Variants in KIRREL2 observed in about 807,000 individuals in gnomAD.
The protein encoded by KIRREL2 is kirre like nephrin family adhesion molecule 2.
In KIRREL2, 56 loss-of-function variants were observed where a neutral mutation model predicts 73.4. The ratio of observed to expected loss-of-function variants is 0.76; its 90% confidence interval spans 0.62 to 0.95. The LOEUF (loss-of-function observed/expected upper bound fraction) is 0.95, where lower values mean the gene tolerates loss of function less well. KIRREL2 is among the 40% of genes least tolerant of loss of function. The pLI is 0.00. For synonymous variants in KIRREL2, 407 were observed against 404.0 expected, an observed-to-expected ratio of 1.01 and a Z score of -0.09; for missense variants, 896 against 935.0, an observed-to-expected ratio of 0.96 and a Z score of 0.54.
At chr19:35,862,852 C>A in intron 12 of KIRREL2, 75 bp from the exon 13 acceptor site, 1 of 903,654 alleles carries the variant, frequency 1.1e-6, no homozygotes, top group South Asian at 1.5e-5. Context: ...TCCCAGTCCT[C>A]TCTCTTCCCG....
chr19:35,860,149 G>A, intron 5 of KIRREL2, 148 bp from the exon 6 acceptor site: 1 of 637,436 alleles, frequency 1.6e-6, no homozygotes, highest in Non-Finnish European at 2.7e-6. Context: ...GGGAAATTGG[G>A]AACTGAAAGC....
intron 14 of KIRREL2, among the ~76,000 whole-genome samples, chr19:35,865,122 T>TTC (rs142392770): frequency 6.3e-4 from 94 of 148,928 alleles, no homozygotes; most frequent in African/African-American, 1.2e-3. Flanking sequence ...GCCAGAGCAC[T>TTC]TCTCTCTCTC....
In KIRREL2 at chr19:35,866,463, A is replaced by G. The variant is rs1164628419; in HGVS notation, c.2098A>G (p.Ser700Gly). Residue 700 changes from serine to glycine, a missense_variant, in exon 15 of 15, where the codon AGC becomes GGC. By Grantham distance (56) the Ser-to-Gly change is moderately conservative. Coordinates refer to ENST00000360202, the MANE Select transcript of KIRREL2 (RefSeq NM_199180.4). ...CCCATATGCTGCCTTCCCCACACCT[A>G]GCCACCCGCGTCTCCAGACTCACGT... ...PFPYAAFPTP[S>G]HPRLQTHV The G allele has an allele frequency of 2.5e-6, 4 of 1,607,864 alleles. No homozygotes were observed. The African/African-American group carries it at 5.4e-5, about 22-fold the overall frequency.
chr19:35,864,750 G>A, intron 14 of KIRREL2, 37 bp downstream of exon 14: 1 of 1,462,934 alleles, frequency 6.8e-7, no homozygotes, highest in Non-Finnish European at 9.6e-7. Flanking sequence ...CTTCACTGTT[G>A]GGAGAGGCGG....
Position 35,857,722 on chromosome 19 carries a change from G to A in KIRREL2, c.211+228G>A, listed in dbSNP as rs11882484. On this transcript the variant is annotated intron_variant, in intron 2 of 14. Transcript: ENST00000360202. ...ACATAGGCCAGGTGCAGTGGCTCAC[G>A]CCTGTAATCCCAACGCTTTGGGAGG... Among the ~76,000 whole-genome samples, 1,400 of 152,208 alleles carry A rather than the reference G, an allele frequency of 9.2e-3. 21 individuals are homozygous for A. The highest frequency in any genetic ancestry group is 0.032 in the African/African-American group (1,310 of 41,504).
chr19:35,865,591 T>G (rs146941955), intron 14 of KIRREL2, among the ~76,000 whole-genome samples: 131 of 152,368 alleles, frequency 8.6e-4, no homozygotes, highest in South Asian at 1.7e-3. Context: ...TCGATCATTT[T>G]GCCTGTGTTC....
chr19:35,862,911 G>T lies in KIRREL2; in HGVS notation c.1616-16G>T. 2 of 1,503,634 alleles carry T rather than the reference G, an allele frequency of 1.3e-6. No individual in the cohort carries two copies. Among genetic ancestry groups the T allele is most frequent in the South Asian group, 1.2e-5 (1 of 83,106 alleles). 93.1% of individuals were successfully genotyped at this position (1,503,634 alleles called of 1,614,324 possible). Reference sequence around the variant, plus strand: ...ACCCCGCCCATCGCTTAACTCCACCGGTCGCTGTTTGTCAGCCTCAGCCTC... The same window carrying T: ...ACCCCGCCCATCGCTTAACTCCACCTGTCGCTGTTTGTCAGCCTCAGCCTC... On this transcript the variant is annotated splice_polypyrimidine_tract_variant and intron_variant, in intron 12 of 14. Transcript: ENST00000360202.
upstream of KIRREL2, chr19:35,856,088 A>C (rs921047815): frequency 6.6e-6 from 1 of 152,358 alleles, no homozygotes; most frequent in Non-Finnish European, 1.5e-5. This position sits in a 1 kb window ranked among gnomAD's most constrained non-coding sequence, Gnocchi z 5.9. Context: ...ATGTCAGATC[A>C]GGGTCCCAGC....
chr19:35,851,491 G>A (rs2146832398), upstream of KIRREL2: 1 of 1,613,636 alleles, frequency 6.2e-7, no homozygotes, highest in Non-Finnish European at 8.5e-7. Context: ...GGTACCTCGG[G>A]AAGCCTGGGA....
At chr19:35,861,684 C>T (rs780972861) in intron 10 of KIRREL2, 43 bp downstream of exon 10, 2 of 1,597,610 alleles carry the variant, frequency 1.3e-6, no homozygotes, top group Non-Finnish European at 1.7e-6. Flanking sequence ...CAGCCGTGAT[C>T]CCTGACCTCC....
chr19:35,858,360 C>T (rs1275775839), intron 2 of KIRREL2, 48 bp from the exon 3 acceptor site: 3 of 1,592,644 alleles, frequency 1.9e-6, no homozygotes, highest in Middle Eastern at 1.8e-4. Flanking sequence ...GGCCTGAGGC[C>T]AGGATTTCAG....
At chr19:35,862,455 C>T in intron 11 of KIRREL2, 38 bp from the exon 12 acceptor site, 1 of 1,486,980 alleles carries the variant, frequency 6.7e-7, no homozygotes, top group Non-Finnish European at 9.3e-7. Context: ...CCTGGTTCCC[C>T]CTCAGCCTTC....
intron 3 of KIRREL2, 59 bp from the exon 4 acceptor site, chr19:35,858,645 A>T (rs2146853686): frequency 6.2e-7 from 1 of 1,608,792 alleles, no homozygotes; most frequent in East Asian, 2.2e-5. Context: ...GCCCAGGGGC[A>T]TGGTCAATTG....
Position 35,860,538 on chromosome 19 carries a change from C to G in KIRREL2, c.799C>G (p.Pro267Ala). Reference protein sequence around the residue: ...TGYRWAKGGSPVLGARGPRLE... With the variant: ...TGYRWAKGGSAVLGARGPRLE... Reference sequence around the variant, plus strand: ...CCTCAGGTGGGCAAAAGGGGGCTCTCCGGTGCTCGGGGCCCGCGGGCCAAG... The same window carrying G: ...CCTCAGGTGGGCAAAAGGGGGCTCTGCGGTGCTCGGGGCCCGCGGGCCAAG... The change falls in exon 7 of 15, where the codon CCG becomes GCG. Residue 267 changes from proline (P) to alanine (A), a missense_variant. Coordinates refer to ENST00000360202, the MANE Select transcript of KIRREL2 (RefSeq NM_199180.4). 1.2e-6 allele frequency: 2 copies of G among 1,603,140 alleles called. No homozygotes were observed. Among genetic ancestry groups the G allele is most frequent in the South Asian group, 1.1e-5 (1 of 91,076 alleles).
upstream of KIRREL2, among the ~76,000 whole-genome samples, chr19:35,855,706 C>CATACACAT (rs1973399354): frequency 1.1e-5 from 1 of 90,486 alleles, no homozygotes; most frequent in African/African-American, 3.0e-5. Context: ...CACACACACA[C>CATACACAT]ATACACACAG....
chr19:35,860,303 C>G lies in KIRREL2; in HGVS notation c.680C>G (p.Pro227Arg). ...TAITLSLQYP[P>R]EVTLSASPHT... The stretch of plus-strand genomic sequence containing the variant: ...CATTGTCCCACCCTCACAGACCCCC[C>G]AGAGGTGACTCTGTCTGCTTCGCCA... The change falls in exon 6 of 15, where the codon CCA (proline) becomes CGA (arginine). Residue 227 changes from proline (P) to arginine (R), a missense_variant. Transcript: ENST00000360202. 1 of 1,613,994 alleles carries G rather than the reference C, an allele frequency of 6.2e-7. No homozygotes were observed.
chr19:35,866,471 G>T lies in KIRREL2; in HGVS notation c.2106G>T (p.Pro702=), dbSNP rs143366792. The stretch of plus-strand genomic sequence containing the variant: ...CTGCCTTCCCCACACCTAGCCACCC[G>T]CGTCTCCAGACTCACGTGTGACATC... ...PYAAFPTPSH[P]RLQTHV is the part of the protein sequence containing the mutation. Residue 702 remains proline (P), a synonymous_variant, in exon 15 of 15, where the codon CCG becomes CCT. Transcript: ENST00000360202. The T allele has an allele frequency of 1.2e-4, 187 of 1,609,268 alleles. No homozygotes were observed. In the African/African-American group the frequency reaches 1.2e-3, roughly 11 times the overall value.
In KIRREL2 at chr19:35,857,003, G is replaced by A; in HGVS notation, c.-117G>A. ...GGACTCCAGGCCAGAGACTAGGCTG[G>A]GCGAAGAGTCGAGCGTGAAGGGGGC... On this transcript the variant is annotated 5_prime_UTR_variant, in exon 1 of 15. Coordinates refer to ENST00000360202, the MANE Select transcript of KIRREL2 (RefSeq NM_199180.4). 9.6e-7 allele frequency: 1 copy of A among 1,044,900 alleles called. No homozygotes were observed. 64.7% of individuals were successfully genotyped at this position (1,044,900 alleles called of 1,614,324 possible). A position where few individuals can be genotyped will look rare whatever the true frequency, so the allele number is the denominator to read the frequency against.
At chr19:35,860,443 G>A (rs1599861582) in intron 6 of KIRREL2, 41 bp downstream of exon 6, 1 of 1,607,156 alleles carries the variant, frequency 6.2e-7, no homozygotes, top group East Asian at 2.2e-5. Context: ...CCAAGAGTGA[G>A]CTTGGGAAGG....
Sources: gnomAD v4.1 joint callset for allele counts (sites outside exome capture counted in the v4.1 genomes callset) on GRCh38, gnomAD v4.1.1 for gene constraint, Gnocchi (gnomAD v3.1) non-coding constraint, MANE v1.5 for transcripts, NCBI Gene and HGNC (gene_info 2026-07-23, HGNC 2026-07-21) for gene names.